Variants in RCAN3 observed in about 807,000 individuals in gnomAD.
RCAN3 encodes the protein calcipressin-3.
In RCAN3, 19 loss-of-function variants were observed where a neutral mutation model predicts 21.9. The observed-to-expected ratio is 0.87, with a 90% CI of 0.61 to 1.27. The LOEUF is 1.27. Among genes scored for constraint, RCAN3 ranks in the 50% most tolerant of loss-of-function variants. RCAN3 has a pLI of 0.00. For missense variants in RCAN3, 240 were observed against 300.1 expected, an observed-to-expected ratio of 0.80 and a Z score of 1.48; for synonymous variants, 114 against 112.3, an observed-to-expected ratio of 1.01 and a Z score of -0.09.
chr1:24,521,379 C>G (rs1372343930), intron 2 of RCAN3, among the ~76,000 whole-genome samples: 1 of 151,954 alleles, frequency 6.6e-6, no homozygotes, highest in Non-Finnish European at 1.5e-5. Flanking sequence ...AGCCTGGAAA[C>G]GTAGTGAGAC....
Position 24,540,060 on chromosome 1 carries a change from C to T in RCAN3, c.*4783C>T, listed in dbSNP as rs1435722015. The T allele has an allele frequency of 6.6e-6, 1 of 152,178 alleles. No homozygotes were observed. The highest frequency in any genetic ancestry group is 2.4e-5 in the African/African-American group (1 of 41,426). 9.4% of individuals were successfully genotyped at this position (152,178 alleles called of 1,614,324 possible). A position where few individuals can be genotyped will look rare whatever the true frequency, so the allele number is the denominator to read the frequency against. On this transcript the variant is annotated 3_prime_UTR_variant, in exon 5 of 5. Transcript: ENST00000374395. ...ATACTTATTTGTCTTTTAAACTCCCCTCGGTGTATGGATCATCTTCGTCAG... is the reference window on the plus strand; with the variant it reads ...ATACTTATTTGTCTTTTAAACTCCCTTCGGTGTATGGATCATCTTCGTCAG...
chr1:24,515,636 G>T (rs196405), intron 2 of RCAN3, among the ~76,000 whole-genome samples: 47,744 of 151,846 alleles, frequency 0.31, 7,990 homozygotes, highest in East Asian at 0.66. Flanking sequence ...TTTCCCTTCC[G>T]ATGACTTTCT....
Position 24,533,201 on chromosome 1 carries a change from C to T in RCAN3, c.488C>T (p.Ala163Val), listed in dbSNP as rs764690503. ...PPVGWKQSED[A>V]MPVINYDLLC... is the part of the protein sequence containing the mutation. The stretch of plus-strand genomic sequence containing the variant: ...GTGGGGTGGAAGCAGAGCGAAGATG[C>T]GATGCCTGTTATAAATTATGATTTA... The change falls in exon 4 of 5, where the codon GCG (alanine) becomes GTG (valine). Residue 163 changes from alanine (A) to valine (V), a missense_variant. Ala to Val is a moderately conservative substitution (Grantham distance 64). Coordinates refer to ENST00000374395, the MANE Select transcript of RCAN3 (RefSeq NM_013441.4). 17 of 1,605,650 alleles carry T rather than the reference C, an allele frequency of 1.1e-5. No individual in the cohort carries two copies. In the African/African-American group the frequency reaches 1.3e-4, roughly 13 times the overall value.
chr1:24,526,236 C>T (rs6657982), intron 2 of RCAN3, among the ~76,000 whole-genome samples: 10,494 of 152,050 alleles, frequency 0.069, 1,162 homozygotes, highest in African/African-American at 0.23. Flanking sequence ...AGACTACAAG[C>T]GTATGCCACC....
chr1:24,524,844 T>TC (rs1212537861), intron 2 of RCAN3, among the ~76,000 whole-genome samples: 4 of 150,650 alleles, frequency 2.7e-5, no homozygotes, highest in Non-Finnish European at 5.9e-5. Context: ...TTTTTTTTTT[T>TC]TTTGAGACAG....
chr1:24,518,266 G>T (rs1200461885), intron 2 of RCAN3, among the ~76,000 whole-genome samples: 1 of 152,120 alleles, frequency 6.6e-6, no homozygotes, highest in Non-Finnish European at 1.5e-5. Context: ...AAATAACACA[G>T]GTGCCATTAT....
chr1:24,523,835 A>G (rs1289529726), intron 2 of RCAN3, among the ~76,000 whole-genome samples: 5 of 152,232 alleles, frequency 3.3e-5, no homozygotes, highest in Non-Finnish European at 7.3e-5. Context: ...TTAAGTATAC[A>G]TTAACAAAAT....
chr1:24,505,321 C>A (rs1647359448), intron 1 of RCAN3, among the ~76,000 whole-genome samples: 1 of 147,138 alleles, frequency 6.8e-6, no homozygotes, highest in African/African-American at 2.5e-5. Flanking sequence ...CTCACTGCAG[C>A]CTTGGCCTCC....
chr1:24,504,096 G>A (rs913114288), intron 1 of RCAN3, among the ~76,000 whole-genome samples: 2 of 152,224 alleles, frequency 1.3e-5, no homozygotes, highest in African/African-American at 4.8e-5. Flanking sequence ...GGAAGACTGT[G>A]AAAAGCTTGA....
At chr1:24,527,648 A>G (rs2148907862) in intron 2 of RCAN3, among the ~76,000 whole-genome samples, 1 of 152,338 alleles carries the variant, frequency 6.6e-6, no homozygotes, top group Middle Eastern at 3.4e-3. Context: ...TTCAGGATCA[A>G]CAGATCATTG....
chr1:24,537,281 G>A lies in RCAN3; in HGVS notation c.*2004G>A, dbSNP rs56222283. 1 of 151,086 alleles carries A rather than the reference G, an allele frequency of 6.6e-6. No individual in the cohort carries two copies. Among genetic ancestry groups the A allele is most frequent in the African/African-American group, 2.4e-5 (1 of 40,896 alleles). 9.4% of individuals were successfully genotyped at this position (151,086 alleles called of 1,614,324 possible). A position where few individuals can be genotyped will look rare whatever the true frequency, so the allele number is the denominator to read the frequency against. On this transcript the variant is annotated 3_prime_UTR_variant, in exon 5 of 5. Coordinates refer to ENST00000374395, the MANE Select transcript of RCAN3 (RefSeq NM_013441.4). Reference sequence around the variant, plus strand: ...CAGTGCTTTTCTATTTTTTTTTTGAGAGCCTTGAATAAATTGAAGAAAACT... The same window carrying A: ...CAGTGCTTTTCTATTTTTTTTTTGAAAGCCTTGAATAAATTGAAGAAAACT...
At position 24,540,666 on chromosome 1, in the gene RCAN3, C is replaced by G. The variant is rs1252523907; in HGVS notation, c.*5389C>G. 6.6e-6 allele frequency: 1 copy of G among 152,164 alleles called. No homozygotes were observed. Among genetic ancestry groups the G allele is most frequent in the Non-Finnish European group, 1.5e-5 (1 of 68,024 alleles). 9.4% of individuals were successfully genotyped at this position (152,164 alleles called of 1,614,324 possible). On this transcript the variant is annotated 3_prime_UTR_variant, in exon 5 of 5. Coordinates refer to ENST00000374395, the MANE Select transcript of RCAN3 (RefSeq NM_013441.4). ...TCAGAAAACTTTCCCAATCATTTCA[C>G]TTCAATCTTAATTGAACCCAAGAGT...
Position 24,540,566 on chromosome 1 carries a change from ATTC to A in RCAN3, c.*5295_*5297del, listed in dbSNP as rs1472726017. The A allele has an allele frequency of 1.3e-5, 2 of 152,290 alleles. No homozygotes were observed. The highest frequency in any genetic ancestry group is 4.8e-5 in the African/African-American group (2 of 41,560). The allele number at this position is 152,290 out of a possible 1,614,324, so 9.4% of individuals were successfully genotyped here. On this transcript the variant is annotated 3_prime_UTR_variant, in exon 5 of 5. Transcript: ENST00000374395. ...GTGGTTACCCCTGTTACCGTGCCAT[ATTC>A]TTCTTGCTGCTTTTCAACCCCACGT...
At chr1:24,509,854 T>TA (rs1647737199) in intron 1 of RCAN3, among the ~76,000 whole-genome samples, 1 of 152,352 alleles carries the variant, frequency 6.6e-6, no homozygotes, top group Non-Finnish European at 1.5e-5. Context: ...GCTGTATACT[T>TA]ACGAAATGTA....
chr1:24,535,760 A>G lies in RCAN3; in HGVS notation c.*483A>G, dbSNP rs1650183969. 1 of 152,652 alleles carries G rather than the reference A, an allele frequency of 6.6e-6. No individual in the cohort carries two copies. The highest frequency in any genetic ancestry group is 6.5e-5 in the Admixed American group (1 of 15,290). The allele number at this position is 152,652 out of a possible 1,614,324, so 9.5% of individuals were successfully genotyped here. A position where few individuals can be genotyped will look rare whatever the true frequency, so the allele number is the denominator to read the frequency against. ...ATAAATCGATCAAAGGTTGTTACTCAGTATACATGAAATTTTTTGCAGGAA... is the reference window on the plus strand; with the variant it reads ...ATAAATCGATCAAAGGTTGTTACTCGGTATACATGAAATTTTTTGCAGGAA... On this transcript the variant is annotated 3_prime_UTR_variant, in exon 5 of 5. Coordinates refer to ENST00000374395, the MANE Select transcript of RCAN3 (RefSeq NM_013441.4).
intron 1 of RCAN3, among the ~76,000 whole-genome samples, chr1:24,511,180 G>GCA (rs1647849676): frequency 6.6e-6 from 1 of 152,190 alleles, no homozygotes; most frequent in Non-Finnish European, 1.5e-5. Flanking sequence ...GGGCATGGTG[G>GCA]CGTGTACCTG....
chr1:24,512,348 C>CAAAAA (rs11433134), intron 1 of RCAN3, among the ~76,000 whole-genome samples: 1 of 141,512 alleles, frequency 7.1e-6, no homozygotes, highest in Non-Finnish European at 1.5e-5. Context: ...AATTCTGTCT[C>CAAAAA]AAAAAAAAAA....
intron 2 of RCAN3, among the ~76,000 whole-genome samples, chr1:24,528,356 A>G (rs1649449005): frequency 6.6e-6 from 1 of 152,204 alleles, no homozygotes; most frequent in Non-Finnish European, 1.5e-5. Flanking sequence ...AGTAATCAAC[A>G]ATGGACTAGT....
chr1:24,522,401 G>C (rs1287865737), intron 2 of RCAN3, among the ~76,000 whole-genome samples: 1 of 152,168 alleles, frequency 6.6e-6, no homozygotes, highest in Non-Finnish European at 1.5e-5. Flanking sequence ...AAGCATGAGG[G>C]AGTTAAAGTC....
Sources: gnomAD v4.1 joint callset for allele counts (sites outside exome capture counted in the v4.1 genomes callset) on GRCh38, gnomAD v4.1.1 for gene constraint, MANE v1.5 for transcripts, NCBI Gene and HGNC (gene_info 2026-07-23, HGNC 2026-07-21) for gene names.